The following RGPD4 variants were observed in gnomAD, a reference collection of about 807,000 sequenced individuals.
RGPD4 encodes the protein RANBP2 like and GRIP domain containing 4, also known as ranBP2-like and GRIP domain-containing protein 4.
RGPD4 carries 84 observed loss-of-function variants against 141.1 expected under a neutral mutation model. That is an observed-to-expected ratio of 0.60 (90% CI 0.50 to 0.71). RGPD4 has a LOEUF of 0.71. Ranked by LOEUF, RGPD4 falls within the 30% of genes least tolerant of loss-of-function variation. The pLI is 0.00. For synonymous variants in RGPD4, 298 were observed against 566.8 expected (o/e 0.53, Z 6.74); for missense variants, 918 against 1,622.4 (o/e 0.57, Z 7.46).
chr2:107,858,788 TG>T (rs1476661712), intron 9 of RGPD4, among the ~76,000 whole-genome samples: 1 of 122,914 alleles, frequency 8.1e-6, no homozygotes, highest in Non-Finnish European at 1.7e-5. Flanking sequence ...CCCATTGTTT[TG>T]GGGTTTCTTA....
chr2:107,854,101 C>G lies in RGPD4; in HGVS notation c.979-455C>G, dbSNP rs376730365. Among the ~76,000 whole-genome samples the G allele has an allele frequency of 2.5e-3, 331 of 134,982 alleles. 1 individual carries two copies. The highest frequency in any genetic ancestry group is 9.6e-3 in the African/African-American group (322 of 33,458). 88.6% of individuals were successfully genotyped at this position (134,982 alleles called of 152,430 possible). ...ATGGAGTCTCGCTCTTTCACCCAGG[C>G]CGGAGTGCAATGGCACAGTCTCGGC... On this transcript the variant is annotated intron_variant, in intron 7 of 22. Transcript: ENST00000408999.
At chr2:107,845,714 C>A (rs1347290362) in intron 6 of RGPD4, among the ~76,000 whole-genome samples, 1 of 152,222 alleles carries the variant, frequency 6.6e-6, no homozygotes, top group East Asian at 1.9e-4. Context: ...CAGGCGCCCA[C>A]CACCACGCTC....
At chr2:107,829,909 G>C (rs931572744) in intron 1 of RGPD4, among the ~76,000 whole-genome samples, 63 of 152,020 alleles carry the variant, frequency 4.1e-4, no homozygotes, top group Admixed American at 2.6e-4. Flanking sequence ...TGCTGCGGCG[G>C]AGGTCGTACC....
intron 22 of RGPD4, among the ~76,000 whole-genome samples, chr2:107,886,529 C>T (rs372834937): frequency 3.4e-5 from 5 of 148,874 alleles, no homozygotes; most frequent in Non-Finnish European, 5.9e-5. Context: ...TCTGCCTTCA[C>T]TGAAAATTCT....
chr2:107,882,070 C>T (rs1379394267), intron 21 of RGPD4, among the ~76,000 whole-genome samples: 1 of 151,892 alleles, frequency 6.6e-6, no homozygotes, highest in African/African-American at 2.4e-5. Context: ...TTGGTACCAA[C>T]CCATGGCTCC....
chr2:107,882,034 C>T (rs555218021), intron 21 of RGPD4, among the ~76,000 whole-genome samples: 20 of 152,006 alleles, frequency 1.3e-4, no homozygotes, highest in Admixed American at 2.0e-4. Context: ...TAGTTTCTAT[C>T]GAAAGTAGAA....
intron 6 of RGPD4, among the ~76,000 whole-genome samples, chr2:107,845,178 C>A (rs1208967110): frequency 4.3e-5 from 5 of 116,654 alleles, no homozygotes; most frequent in Non-Finnish European, 8.3e-5. Flanking sequence ...ATAGGTGGAA[C>A]TACAGGTGCC....
At position 107,872,673 on chromosome 2, in the gene RGPD4, C is replaced by T. The variant is rs1319062093; in HGVS notation, c.4669C>T (p.Pro1557Ser). 2 of 1,610,932 alleles carry T rather than the reference C, an allele frequency of 1.2e-6. No individual in the cohort carries two copies. Among genetic ancestry groups the T allele is most frequent in the Admixed American group, 1.7e-5 (1 of 59,898 alleles). Reference sequence around the variant, plus strand: ...AATTTTTAGTAGTGAAAAATCAAAACCATTTGCATTTGGCAACAGTTCTGC... The same window carrying T: ...AATTTTTAGTAGTGAAAAATCAAAATCATTTGCATTTGGCAACAGTTCTGC... ...KRIFSSEKSK[P>S]FAFGNSSATG... The change falls in exon 20 of 23, where the codon CCA (proline) becomes TCA (serine). Residue 1557 changes from proline (P) to serine (S), a missense_variant. By Grantham distance (74) the Pro-to-Ser change is moderately conservative. Coordinates refer to ENST00000408999, the MANE Select transcript of RGPD4 (RefSeq NM_182588.3).
chr2:107,858,209 A>C (rs1161086204), intron 9 of RGPD4, among the ~76,000 whole-genome samples: 1 of 151,876 alleles, frequency 6.6e-6, no homozygotes, highest in African/African-American at 2.4e-5. Context: ...AAGTTTTCTC[A>C]ACTTTTCCAC....
In RGPD4 at chr2:107,889,076, A is replaced by T. The variant is rs535764820; in HGVS notation, c.5267-1645A>T. ...TAACTCTAGAAAGTTTCCCCATGTA[A>T]AATTTTGAAAATGCTACTCTGCGTA... On this transcript the variant is annotated intron_variant, in intron 22 of 22. Transcript: ENST00000408999. Among the ~76,000 whole-genome samples the T allele has an allele frequency of 2.7e-5, 4 of 150,508 alleles. No homozygotes were observed. The South Asian group carries it at 8.4e-4, about 31-fold the overall frequency.
intron 9 of RGPD4, among the ~76,000 whole-genome samples, chr2:107,857,434 C>T (rs1682362688): frequency 6.8e-6 from 1 of 147,740 alleles, no homozygotes; most frequent in African/African-American, 2.5e-5. Flanking sequence ...CCACCGTGAC[C>T]AGCCTTGTTG....
chr2:107,836,530 T>A (rs1210597748), intron 1 of RGPD4, 72 bp from the exon 2 acceptor site: 2 of 1,358,926 alleles, frequency 1.5e-6, no homozygotes, highest in African/African-American at 2.9e-5. Flanking sequence ...TAGGGCAGAT[T>A]TTTACTACTT....
At chr2:107,836,429 G>A (rs1328457979) in intron 1 of RGPD4, among the ~76,000 whole-genome samples, 173 bp from the exon 2 acceptor site, 2 of 141,728 alleles carry the variant, frequency 1.4e-5, no homozygotes, top group Admixed American at 7.1e-5. Flanking sequence ...TTTGTTTTGT[G>A]ATAGGAAATT....
chr2:107,885,390 G>C (rs1295410758), intron 22 of RGPD4, among the ~76,000 whole-genome samples: 2 of 152,158 alleles, frequency 1.3e-5, no homozygotes, highest in African/African-American at 4.8e-5. Context: ...AAAATACTGA[G>C]CATGTCTAAC....
At chr2:107,846,362 G>A (rs913478539) in intron 6 of RGPD4, among the ~76,000 whole-genome samples, 18 of 151,706 alleles carry the variant, frequency 1.2e-4, no homozygotes, top group Non-Finnish European at 1.8e-4. Flanking sequence ...CACTGCACCC[G>A]GCCGTATGTG....
At chr2:107,869,761 T>C (rs1682842963) in intron 18 of RGPD4, 122 bp from the exon 19 acceptor site, 2 of 922,640 alleles carry the variant, frequency 2.2e-6, no homozygotes, top group South Asian at 3.9e-5. Context: ...AAATTTAAAA[T>C]TTATGTAGTT....
chr2:107,884,260 G>A (rs537400384), intron 22 of RGPD4, among the ~76,000 whole-genome samples: 10 of 151,898 alleles, frequency 6.6e-5, no homozygotes, highest in African/African-American at 9.7e-5. Flanking sequence ...ACAGATGCAC[G>A]CCAGCTAATT....
Position 107,890,755 on chromosome 2 carries a change from G to A in RGPD4, c.*24G>A, listed in dbSNP as rs759012874. The A allele has an allele frequency of 1.7e-5, 28 of 1,602,352 alleles. No individual in the cohort carries two copies. The highest frequency in any genetic ancestry group is 7.0e-5 in the Admixed American group (4 of 57,518). Reference sequence around the variant, plus strand: ...AAAATGCTTCCCGTTCTTCTGGATGGGCATCCTATCTTCGTAGTTGGTTTG... The same window carrying A: ...AAAATGCTTCCCGTTCTTCTGGATGAGCATCCTATCTTCGTAGTTGGTTTG... On this transcript the variant is annotated 3_prime_UTR_variant, in exon 23 of 23. Coordinates refer to ENST00000408999, the MANE Select transcript of RGPD4 (RefSeq NM_182588.3).
At chr2:107,857,752 G>T (rs1271971798) in intron 9 of RGPD4, among the ~76,000 whole-genome samples, 5 of 151,570 alleles carry the variant, frequency 3.3e-5, no homozygotes, top group Admixed American at 6.6e-5. Flanking sequence ...AGCACTTTGG[G>T]AGGCCGAGGC....
Sources: gnomAD v4.1 joint callset for allele counts (sites outside exome capture counted in the v4.1 genomes callset) on GRCh38, gnomAD v4.1.1 for gene constraint, MANE v1.5 for transcripts, NCBI Gene and HGNC (gene_info 2026-07-23, HGNC 2026-07-21) for gene names.